Variants in SCHIP1 observed in about 807,000 individuals in gnomAD.
SCHIP1 encodes schwannomin-interacting protein 1.
In SCHIP1, 8 loss-of-function variants were observed where a neutral mutation model predicts 29.7. The ratio of observed to expected loss-of-function variants is 0.27; its 90% confidence interval spans 0.16 to 0.49. The LOEUF is 0.49. SCHIP1 is among the 20% of genes least tolerant of loss of function. The pLI, the probability that SCHIP1 is intolerant of heterozygous loss-of-function variation, is 0.99. For synonymous variants in SCHIP1, 76 were observed against 94.9 expected (o/e 0.80, Z 1.16); for missense variants, 193 against 294.6 (o/e 0.66, Z 2.52).
At chr3:159,820,064 A>G in the SCHIP1 span, among the ~76,000 whole-genome samples, 1 of 152,004 alleles carries the variant, frequency 6.6e-6, no homozygotes, top group South Asian at 2.1e-4. Flanking sequence ...TTTTGGGGGG[A>G]TCACATAGAC....
chr3:159,803,350 C>G, the SCHIP1 span, among the ~76,000 whole-genome samples: 2 of 152,134 alleles, frequency 1.3e-5, no homozygotes. Context: ...TCCAGAATAC[C>G]TACCAAGTCC....
chr3:159,759,112 C>T, the SCHIP1 span, among the ~76,000 whole-genome samples: 18 of 151,924 alleles, frequency 1.2e-4, no homozygotes, highest in East Asian at 3.1e-3. Flanking sequence ...AATATAATCT[C>T]GTGGTTTGCT....
At chr3:159,496,493 CA>C in the SCHIP1 span, among the ~76,000 whole-genome samples, 1 of 152,136 alleles carries the variant, frequency 6.6e-6, no homozygotes, top group South Asian at 2.1e-4. Context: ...AGCCAAAAAA[CA>C]CATGAAAAAA....
At chr3:159,513,238 G>T in the SCHIP1 span, among the ~76,000 whole-genome samples, 9 of 152,182 alleles carry the variant, frequency 5.9e-5, no homozygotes, top group South Asian at 1.0e-3. Context: ...GATTTGATGT[G>T]GGGGGTACAA....
chr3:159,812,160 G>T, the SCHIP1 span, among the ~76,000 whole-genome samples: 1 of 151,698 alleles, frequency 6.6e-6, no homozygotes, highest in South Asian at 2.1e-4. Context: ...TAGTAGAGAC[G>T]GGGTTTCACC....
chr3:159,464,399 C>G, the SCHIP1 span, among the ~76,000 whole-genome samples: 1 of 152,160 alleles, frequency 6.6e-6, no homozygotes, highest in Non-Finnish European at 1.5e-5. Flanking sequence ...TCTGTAAAAT[C>G]AGACTTTTCT....
chr3:159,560,791 G>C, the SCHIP1 span, among the ~76,000 whole-genome samples: 2 of 151,992 alleles, frequency 1.3e-5, no homozygotes, highest in Non-Finnish European at 2.9e-5. Flanking sequence ...ATACTGAGAG[G>C]CCTGCAGCAC....
At chr3:159,827,524 T>C in the SCHIP1 span, among the ~76,000 whole-genome samples, 1 of 152,324 alleles carries the variant, frequency 6.6e-6, no homozygotes, top group East Asian at 1.9e-4. Context: ...TCCTACAAAA[T>C]AATTTTTTTG....
At chr3:159,754,260 C>T in the SCHIP1 span, among the ~76,000 whole-genome samples, 14 of 152,252 alleles carry the variant, frequency 9.2e-5, no homozygotes, top group Middle Eastern at 3.4e-3. Flanking sequence ...AACCTATCAG[C>T]GGTATATGAG....
the SCHIP1 span, among the ~76,000 whole-genome samples, chr3:159,493,062 G>T: frequency 6.6e-6 from 1 of 152,198 alleles, no homozygotes; most frequent in Non-Finnish European, 1.5e-5. Context: ...GAGTGATTTT[G>T]TCACCACCAG....
chr3:159,616,087 T>C, the SCHIP1 span, among the ~76,000 whole-genome samples: 1 of 146,532 alleles, frequency 6.8e-6, no homozygotes, highest in Non-Finnish European at 1.5e-5. Context: ...ACAAGTCCTC[T>C]CAGAGAGCCA....
chr3:159,308,143 G>C, the SCHIP1 span, among the ~76,000 whole-genome samples: 9 of 151,990 alleles, frequency 5.9e-5, no homozygotes, highest in Admixed American at 2.0e-4. Flanking sequence ...GAATAGCATT[G>C]AATCTGTAAA....
the SCHIP1 span, among the ~76,000 whole-genome samples, chr3:159,538,830 T>G: frequency 6.6e-6 from 1 of 152,192 alleles, no homozygotes; most frequent in East Asian, 1.9e-4. Context: ...GGGTTCTCTT[T>G]GTCTAACTTG....
At chr3:159,671,730 T>C in the SCHIP1 span, among the ~76,000 whole-genome samples, 1 of 152,194 alleles carries the variant, frequency 6.6e-6, no homozygotes, top group Non-Finnish European at 1.5e-5. Flanking sequence ...AAGCCATTGG[T>C]TTAACTCAAA....
chr3:159,892,353 C>T, intron 6 of SCHIP1, 163 bp downstream of exon 7: 2 of 747,730 alleles, frequency 2.7e-6, no homozygotes. Flanking sequence ...AAGCAGAATT[C>T]CATTGTCCTT....
the SCHIP1 span, among the ~76,000 whole-genome samples, chr3:159,445,417 A>G: frequency 6.6e-6 from 1 of 151,272 alleles, no homozygotes; most frequent in South Asian, 2.1e-4. Flanking sequence ...GAACACTTTT[A>G]CACTGTTGGT....
At chr3:159,590,887 C>G in the SCHIP1 span, among the ~76,000 whole-genome samples, 1 of 152,110 alleles carries the variant, frequency 6.6e-6, no homozygotes, top group African/African-American at 2.4e-5. Context: ...GGGGAAGCTT[C>G]CTAAGTTTGT....
At chr3:159,662,617 G>A in the SCHIP1 span, among the ~76,000 whole-genome samples, 1 of 152,062 alleles carries the variant, frequency 6.6e-6, no homozygotes, top group Non-Finnish European at 1.5e-5. Flanking sequence ...CTTTCTTGGG[G>A]GGAAAGAACA....
the SCHIP1 span, among the ~76,000 whole-genome samples, chr3:159,784,096 C>T: frequency 6.6e-6 from 1 of 152,168 alleles, no homozygotes; most frequent in African/African-American, 2.4e-5. Flanking sequence ...TGGTTAGGAG[C>T]AAAGGATAAT....
Sources: gnomAD v4.1 joint callset for allele counts (sites outside exome capture counted in the v4.1 genomes callset) on GRCh38, gnomAD v4.1.1 for gene constraint, MANE v1.5 for transcripts, NCBI Gene and HGNC (gene_info 2026-07-23, HGNC 2026-07-21) for gene names.